The following MARCHF11 variants were observed in gnomAD, a reference collection of about 807,000 sequenced individuals.
MARCHF11 encodes E3 ubiquitin-protein ligase MARCHF11.
MARCHF11 carries 29 observed loss-of-function variants against 37.3 expected under a neutral mutation model. That is an observed-to-expected ratio of 0.78 (90% CI 0.58 to 1.06). The LOEUF is 1.06. Among genes scored for constraint, MARCHF11 ranks in the 50% least tolerant of loss-of-function variants. The pLI is 0.00. For synonymous variants in MARCHF11, 233 were observed against 228.0 expected (o/e 1.02, Z -0.20); for missense variants, 482 against 533.4 (o/e 0.90, Z 0.95).
At chr5:16,157,333 G>C (rs192140852) in intron 2 of MARCHF11, among the ~76,000 whole-genome samples, 128 of 151,566 alleles carry the variant, frequency 8.4e-4, no homozygotes, top group African/African-American at 3.0e-3. Flanking sequence ...CACTTAAATA[G>C]AAAAAAAATC....
chr5:16,103,973 C>T (rs1736998597), intron 2 of MARCHF11, among the ~76,000 whole-genome samples: 1 of 152,154 alleles, frequency 6.6e-6, no homozygotes, highest in African/African-American at 2.4e-5. Flanking sequence ...ACAGACAAAT[C>T]ACCCAGCAGA....
chr5:16,118,012 G>A (rs1340129634), intron 2 of MARCHF11, among the ~76,000 whole-genome samples: 1 of 152,210 alleles, frequency 6.6e-6, no homozygotes. Context: ...GTTGAGACAG[G>A]CTTCTTTGGT....
chr5:16,145,086 C>A (rs1017789100), intron 2 of MARCHF11, among the ~76,000 whole-genome samples: 3 of 152,168 alleles, frequency 2.0e-5, no homozygotes, highest in African/African-American at 7.2e-5. Context: ...GTCAAAGATC[C>A]TCCACCCTTT....
chr5:16,109,457 T>C (rs1737100526), intron 2 of MARCHF11, among the ~76,000 whole-genome samples: 1 of 152,194 alleles, frequency 6.6e-6, no homozygotes, highest in South Asian at 2.1e-4. Flanking sequence ...TCTGGGTGGG[T>C]GAACGCATGG....
chr5:16,128,868 A>G (rs1486201624), intron 2 of MARCHF11, among the ~76,000 whole-genome samples: 1 of 152,250 alleles, frequency 6.6e-6, no homozygotes, highest in Admixed American at 6.5e-5. Context: ...AAGCTTGGCC[A>G]TCTGTTCATG....
At chr5:16,113,954 C>A (rs192434058) in intron 2 of MARCHF11, among the ~76,000 whole-genome samples, 1 of 152,294 alleles carries the variant, frequency 6.6e-6, no homozygotes, top group Admixed American at 6.5e-5. Flanking sequence ...CCCTCCCCAC[C>A]TTTCTAAGCG....
chr5:16,115,180 G>A (rs1389861361), intron 2 of MARCHF11, among the ~76,000 whole-genome samples: 2 of 152,180 alleles, frequency 1.3e-5, no homozygotes, highest in African/African-American at 2.4e-5. Flanking sequence ...GAAGTATCGA[G>A]CCAATTTACG....
chr5:16,071,933 G>C (rs545707409), intron 3 of MARCHF11, among the ~76,000 whole-genome samples: 2 of 152,134 alleles, frequency 1.3e-5, no homozygotes, highest in East Asian at 1.9e-4. Context: ...GTACAAACAG[G>C]TACTAGTTTT....
intron 3 of MARCHF11, among the ~76,000 whole-genome samples, chr5:16,072,907 T>A (rs375881485): frequency 7.0e-4 from 106 of 152,232 alleles, no homozygotes; most frequent in African/African-American, 2.5e-3. Flanking sequence ...CCTAGAGGTA[T>A]AATAATGTCA....
chr5:16,084,443 G>C (rs1472982872), intron 3 of MARCHF11, among the ~76,000 whole-genome samples: 1 of 152,126 alleles, frequency 6.6e-6, no homozygotes, highest in African/African-American at 2.4e-5. Context: ...AGGAGTTGAA[G>C]GCCACCCTGG....
chr5:16,165,725 C>T (rs192417398), intron 2 of MARCHF11, among the ~76,000 whole-genome samples: 36 of 152,200 alleles, frequency 2.4e-4, no homozygotes, highest in African/African-American at 8.4e-4. Context: ...CATGACTTAT[C>T]AGTGATAATG....
At chr5:16,099,787 T>TA (rs761819971) in intron 2 of MARCHF11, among the ~76,000 whole-genome samples, 18 of 152,196 alleles carry the variant, frequency 1.2e-4, no homozygotes, top group Non-Finnish European at 2.6e-4. Flanking sequence ...CAGCTATTGG[T>TA]AACGCACATC....
chr5:16,170,376 TA>T (rs35108250), intron 2 of MARCHF11, among the ~76,000 whole-genome samples: 74,909 of 151,660 alleles, frequency 0.49, 19,687 homozygotes, highest in Middle Eastern at 0.58. Flanking sequence ...GAAGCTTTTA[TA>T]AAAAAAAATT....
chr5:16,151,567 C>T (rs1204645100), intron 2 of MARCHF11, among the ~76,000 whole-genome samples: 3 of 136,110 alleles, frequency 2.2e-5, no homozygotes, highest in Non-Finnish European at 3.1e-5. Context: ...TGTCTCCTAG[C>T]AGAACAAAAA....
chr5:16,177,298 T>A lies in MARCHF11; in HGVS notation c.693+428A>T, dbSNP rs75036000. 3.7e-3 allele frequency among the ~76,000 whole-genome samples: 568 copies of A among 152,366 alleles called. 2 individuals are homozygous for A. Among genetic ancestry groups the A allele is most frequent in the African/African-American group, 0.013 (547 of 41,594 alleles). The stretch of plus-strand genomic sequence containing the variant: ...CTAATAGGTTCAACCAAAGTTTTCA[T>A]ACCAGTGAAGTTTTGTTTTACTTGT... On this transcript the variant is annotated intron_variant, in intron 2 of 3. Coordinates refer to ENST00000332432, the MANE Select transcript of MARCHF11 (RefSeq NM_001102562.3).
At chr5:16,146,713 C>T (rs1015721974) in intron 2 of MARCHF11, among the ~76,000 whole-genome samples, 6 of 152,112 alleles carry the variant, frequency 3.9e-5, no homozygotes, top group East Asian at 1.9e-4. Flanking sequence ...ATTTTTAAGT[C>T]GGTGGCACAG....
At chr5:16,109,016 AG>A (rs1408657822) in intron 2 of MARCHF11, among the ~76,000 whole-genome samples, 2 of 152,052 alleles carry the variant, frequency 1.3e-5, no homozygotes, top group Non-Finnish European at 2.9e-5. Context: ...CTTGACTTTC[AG>A]ATCCTGTTTC....
At chr5:16,164,915 G>A (rs1738144240) in intron 2 of MARCHF11, among the ~76,000 whole-genome samples, 1 of 151,942 alleles carries the variant, frequency 6.6e-6, no homozygotes, top group Non-Finnish European at 1.5e-5. Context: ...CAAAGCAACT[G>A]AAGGCATCTA....
At chr5:16,105,979 C>A (rs1737032968) in intron 2 of MARCHF11, among the ~76,000 whole-genome samples, 1 of 152,096 alleles carries the variant, frequency 6.6e-6, no homozygotes, top group African/African-American at 2.4e-5. Flanking sequence ...TTGATAAGAT[C>A]ATGGCATGGG....
Sources: allele counts gnomAD v4.1 joint callset (sites outside exome capture counted in the v4.1 genomes callset), GRCh38; gene constraint gnomAD v4.1.1; transcripts MANE v1.5; gene names NCBI Gene and HGNC (gene_info 2026-07-23, HGNC 2026-07-21).